The following TP73 variants were observed in gnomAD, a reference collection of about 807,000 sequenced individuals.
TP73 encodes p53-like transcription factor.
In TP73, 25 loss-of-function variants were observed where a neutral mutation model predicts 62.5. That is an observed-to-expected ratio of 0.40 (90% CI 0.29 to 0.56). The LOEUF is 0.56. Among genes scored for constraint, TP73 ranks in the 20% least tolerant of loss-of-function variants. The pLI, the probability that TP73 is intolerant of heterozygous loss-of-function variation, is 0.46. For synonymous variants in TP73, 423 were observed against 377.5 expected, an observed-to-expected ratio of 1.12 and a Z score of -1.40; for missense variants, 754 against 913.3, an observed-to-expected ratio of 0.83 and a Z score of 2.25.
chr1:3,708,000 C>T (rs1477157854), intron 4 of TP73: 1 of 739,542 alleles, frequency 1.4e-6, no homozygotes, highest in Non-Finnish European at 2.1e-6. Flanking sequence ...CGTGAGTGGC[C>T]AGAGCCAGTC....
chr1:3,700,671 C>G (rs1290392671), intron 3 of TP73, among the ~76,000 whole-genome samples: 1 of 152,038 alleles, frequency 6.6e-6, no homozygotes, highest in East Asian at 1.9e-4. Flanking sequence ...ATCCCAGCTA[C>G]TGGGGAGGCT....
intron 9 of TP73, among the ~76,000 whole-genome samples, chr1:3,728,966 C>T (rs964007507): frequency 2.6e-5 from 4 of 151,126 alleles, no homozygotes; most frequent in African/African-American, 9.7e-5. Context: ...CTAGCCTAGG[C>T]GACAGAGCAA....
At chr1:3,716,171 G>T (rs1260479242) in intron 4 of TP73, among the ~76,000 whole-genome samples, 4 of 152,194 alleles carry the variant, frequency 2.6e-5, no homozygotes, top group Non-Finnish European at 5.9e-5. Flanking sequence ...GGATCGCTTG[G>T]CATCTGCAGA....
At chr1:3,693,641 C>CG (rs1199093803) in intron 3 of TP73, among the ~76,000 whole-genome samples, 2 of 152,080 alleles carry the variant, frequency 1.3e-5, no homozygotes, top group African/African-American at 4.8e-5. Flanking sequence ...CAGATGGGGA[C>CG]GCAGGGGGGC....
At chr1:3,712,690 G>T (rs983148941) in intron 4 of TP73, among the ~76,000 whole-genome samples, 2 of 152,184 alleles carry the variant, frequency 1.3e-5, no homozygotes, top group African/African-American at 4.8e-5. Context: ...CAGCCCTGTG[G>T]ACCCAGCATG....
Position 3,701,113 on chromosome 1 carries a change from T to C in TP73, c.187-6436T>C, listed in dbSNP as rs1309760402. Among the ~76,000 whole-genome samples, 1 of 152,220 alleles carries C rather than the reference T, an allele frequency of 6.6e-6. No homozygotes were observed. The highest frequency in any genetic ancestry group is 1.5e-5 in the Non-Finnish European group (1 of 68,040). ...GATGGCCCGCGTGGATTTCAGGGTC[T>C]GTTTCATCCAACCAAGAGTTTCTGA... On this transcript the variant is annotated intron_variant, in intron 3 of 13. Coordinates refer to ENST00000378295, the MANE Select transcript of TP73 (RefSeq NM_005427.4). The surrounding 1 kb of genome is among the most constrained non-coding windows in gnomAD (Gnocchi z 4.7).
chr1:3,715,686 AACAG>A (rs1438180082), intron 4 of TP73, among the ~76,000 whole-genome samples: 2 of 152,154 alleles, frequency 1.3e-5, no homozygotes, highest in Non-Finnish European at 2.9e-5. Context: ...TCTCCACACC[AACAG>A]AGGCAGACAC....
intron 3 of TP73, among the ~76,000 whole-genome samples, chr1:3,687,204 G>C (rs978494318): frequency 1.3e-5 from 2 of 152,216 alleles, no homozygotes; most frequent in African/African-American, 4.8e-5. Context: ...GGGGAAGCCT[G>C]TGGCCCGGGC....
intron 1 of TP73, among the ~76,000 whole-genome samples, chr1:3,668,348 C>T (rs541344265): frequency 1.8e-4 from 27 of 152,330 alleles, no homozygotes; most frequent in African/African-American, 6.5e-4. Flanking sequence ...GTGCTGTCCA[C>T]TCCGTGCTGC....
At chr1:3,689,142 C>A (rs1199358657) in intron 3 of TP73, among the ~76,000 whole-genome samples, 1 of 152,124 alleles carries the variant, frequency 6.6e-6, no homozygotes, top group Non-Finnish European at 1.5e-5. Context: ...GCACCCTCAT[C>A]CCCAGGGCAT....
chr1:3,699,702 C>T lies in TP73; in HGVS notation c.187-7847C>T, dbSNP rs936680562. Among the ~76,000 whole-genome samples the T allele has an allele frequency of 2.0e-5, 3 of 152,092 alleles. No homozygotes were observed. Among genetic ancestry groups the T allele is most frequent in the Middle Eastern group, 6.3e-3 (2 of 316 alleles). ...TAGTTGAACAGAATGAATGAGAGTG[C>T]GGGATAAATGCCGGGCGGGGAGCAG... On this transcript the variant is annotated intron_variant, in intron 3 of 13. Transcript: ENST00000378295. The surrounding 1 kb of genome is among the most constrained non-coding windows in gnomAD (Gnocchi z 4.1).
chr1:3,723,244 A>G (rs549155505), intron 5 of TP73, 110 bp from the exon 6 acceptor site: 1 of 805,086 alleles, frequency 1.2e-6, no homozygotes, highest in African/African-American at 1.8e-5. Context: ...TGCACCTGAC[A>G]TGGGGCTGGG....
intron 1 of TP73, among the ~76,000 whole-genome samples, chr1:3,673,166 A>G (rs1319030172): frequency 6.6e-6 from 1 of 152,242 alleles, no homozygotes; most frequent in Non-Finnish European, 1.5e-5. Flanking sequence ...GACTGAGGAT[A>G]GGCTGGTGCT....
At chr1:3,719,702 C>T (rs74046834) in intron 4 of TP73, among the ~76,000 whole-genome samples, 2,280 of 152,244 alleles carry the variant, frequency 0.015, 66 homozygotes, top group African/African-American at 0.053. Flanking sequence ...GCAAAGGGGG[C>T]ATTTGTAATG....
intron 3 of TP73, among the ~76,000 whole-genome samples, chr1:3,702,076 C>T (rs1043813165): frequency 6.6e-6 from 1 of 152,240 alleles, no homozygotes; most frequent in Non-Finnish European, 1.5e-5. Context: ...CTGGCCACCA[C>T]TTCCTGCCCA....
Position 3,670,136 on chromosome 1 carries a change from G to A in TP73, c.-33-12197G>A, listed in dbSNP as rs6657895. On this transcript the variant is annotated intron_variant, in intron 1 of 13. Transcript: ENST00000378295. This position sits in a 1 kb window ranked among gnomAD's most constrained non-coding sequence, Gnocchi z 5.9. ...TGGGCTCTTCCTGGCTTGCTGTGTC[G>A]CTCTGGGTGCGTTTTACACCACTCT... 0.34 allele frequency among the ~76,000 whole-genome samples: 51,737 copies of A among 151,644 alleles called. 10,633 individuals are homozygous for A. The highest frequency in any genetic ancestry group is 0.47 in the Non-Finnish European group (31,703 of 67,844).
In TP73 at chr1:3,732,953, C is replaced by T. The variant is rs1294981679; in HGVS notation, c.1785C>T (p.Thr595=). ...ACTTCCGCGTGCGCCACACCATCAC[C>T]ATCCCCAACCGCGGCGGCCCAGGCG... The part of the protein sequence containing the change: ...AVHFRVRHTI[T]IPNRGGPGGG... The change falls in exon 14 of 14, where the codon ACC becomes ACT. Residue 595 remains threonine (T), a synonymous_variant. Coordinates refer to ENST00000378295, the MANE Select transcript of TP73 (RefSeq NM_005427.4). 6 of 1,608,414 alleles carry T rather than the reference C, an allele frequency of 3.7e-6. No homozygotes were observed. In the African/African-American group the frequency reaches 4.0e-5, roughly 11 times the overall value.
intron 7 of TP73, 132 bp from the exon 8 acceptor site, chr1:3,727,496 C>T (rs553109769): frequency 3.6e-5 from 47 of 1,309,606 alleles, no homozygotes; most frequent in East Asian, 1.0e-4. Context: ...CACTCGCTGC[C>T]GGCACTGGGT....
At chr1:3,716,011 C>T (rs1640565058) in intron 4 of TP73, among the ~76,000 whole-genome samples, 1 of 152,216 alleles carries the variant, frequency 6.6e-6, no homozygotes, top group African/African-American at 2.4e-5. Context: ...CGTGTGGCTC[C>T]TGCTCACCTG....
Sources: gnomAD v4.1 joint callset for allele counts (sites outside exome capture counted in the v4.1 genomes callset) on GRCh38, gnomAD v4.1.1 for gene constraint, Gnocchi (gnomAD v3.1) non-coding constraint, MANE v1.5 for transcripts, NCBI Gene and HGNC (gene_info 2026-07-23, HGNC 2026-07-21) for gene names.